Variants in RASAL2 observed in about 807,000 individuals in gnomAD.
The protein encoded by RASAL2 is RAS protein activator like 2.
In RASAL2, 58 loss-of-function variants were observed where a neutral mutation model predicts 128.9. The ratio of observed to expected loss-of-function variants is 0.45; its 90% CI spans 0.36 to 0.56. The LOEUF (loss-of-function observed/expected upper bound fraction) is 0.56, where lower values mean the gene tolerates loss of function less well. Ranked by LOEUF, RASAL2 falls within the 20% of genes least tolerant of loss-of-function variation. The pLI is 0.00. For synonymous variants in RASAL2, 561 were observed against 580.8 expected (o/e 0.97, Z 0.49); for missense variants, 1,360 against 1,601.6 (o/e 0.85, Z 2.57).
chr1:178,325,604 A>G (rs541555707), intron 3 of RASAL2, among the ~76,000 whole-genome samples: 2 of 152,308 alleles, frequency 1.3e-5, no homozygotes, highest in African/African-American at 4.8e-5. Flanking sequence ...AGTGCATATA[A>G]CAGTTGGATA....
intron 1 of RASAL2, among the ~76,000 whole-genome samples, chr1:178,249,269 C>T (rs1171772753): frequency 6.6e-6 from 1 of 151,860 alleles, no homozygotes; most frequent in African/African-American, 2.4e-5. Flanking sequence ...ATCTTGTCTT[C>T]ACGTGTTATT....
chr1:178,314,319 G>C (rs1668397203), intron 3 of RASAL2, among the ~76,000 whole-genome samples: 3 of 152,158 alleles, frequency 2.0e-5, no homozygotes, highest in Admixed American at 1.3e-4. Flanking sequence ...CTGTATGTAA[G>C]TCGTTTTATT....
At chr1:178,245,995 T>G (rs1664751098) in intron 1 of RASAL2, among the ~76,000 whole-genome samples, 1 of 152,216 alleles carries the variant, frequency 6.6e-6, no homozygotes, top group Non-Finnish European at 1.5e-5. Flanking sequence ...TGAAGTCGGG[T>G]AGCATGATGC....
At position 178,315,772 on chromosome 1, in the gene RASAL2, T is replaced by TG. The variant is rs1350622763; in HGVS notation, c.457+15655dup. Among the ~76,000 whole-genome samples the TG allele has an allele frequency of 2.0e-3, 278 of 142,142 alleles. 3 individuals carry two copies. The highest frequency in any genetic ancestry group is 3.1e-3 in the Non-Finnish European group (208 of 66,242). 93.3% of individuals were successfully genotyped at this position (142,142 alleles called of 152,430 possible). Reference sequence around the variant, plus strand: ...TCACTCTGATGGTAGTTTCTTTTGCTGTGCAGAAGCTCTTTAGTTTAATTA... The same window carrying TG: ...TCACTCTGATGGTAGTTTCTTTTGCTGGTGCAGAAGCTCTTTAGTTTAATTA... On this transcript the variant is annotated intron_variant, in intron 3 of 17. Coordinates refer to ENST00000367649, the MANE Select transcript of RASAL2 (RefSeq NM_170692.4).
intron 3 of RASAL2, among the ~76,000 whole-genome samples, chr1:178,318,224 A>G (rs1201429688): frequency 2.4e-4 from 36 of 149,382 alleles, no homozygotes; most frequent in Non-Finnish European, 4.5e-4. Context: ...TATGTGGTCA[A>G]TTTTGGAATA....
intron 1 of RASAL2, among the ~76,000 whole-genome samples, chr1:178,118,802 G>A (rs919488177): frequency 7.9e-5 from 12 of 152,016 alleles, no homozygotes; most frequent in Non-Finnish European, 1.8e-4. Flanking sequence ...ATTCTCTCCC[G>A]AAATGACAGA....
chr1:178,402,834 A>ATTAAATTCATCTAG (rs1394756878), intron 4 of RASAL2, among the ~76,000 whole-genome samples: 1 of 152,078 alleles, frequency 6.6e-6, no homozygotes, highest in African/African-American at 2.4e-5. Flanking sequence ...GAAAACTTCA[A>ATTAAATTCATCTAG]TTAAATTCAT....
chr1:178,449,070 C>T (rs1342428801), intron 9 of RASAL2, among the ~76,000 whole-genome samples: 1 of 152,094 alleles, frequency 6.6e-6, no homozygotes, highest in African/African-American at 2.4e-5. Flanking sequence ...TGCTATATTT[C>T]ATATACTTTG....
At chr1:178,193,759 C>T (rs865880101) in intron 1 of RASAL2, among the ~76,000 whole-genome samples, 7 of 140,276 alleles carry the variant, frequency 5.0e-5, no homozygotes, top group African/African-American at 1.3e-4. Flanking sequence ...TAATTTACCA[C>T]GAGTACTTGA....
chr1:178,318,201 C>T (rs2102324130), intron 3 of RASAL2, among the ~76,000 whole-genome samples: 1 of 150,886 alleles, frequency 6.6e-6, no homozygotes, highest in East Asian at 2.0e-4. Context: ...CTGAGGAGAG[C>T]TTTACTTCCA....
intron 3 of RASAL2, among the ~76,000 whole-genome samples, chr1:178,328,706 ATTATTAGTACCC>A (rs1324760306): frequency 6.6e-6 from 1 of 152,202 alleles, no homozygotes; most frequent in Non-Finnish European, 1.5e-5. Flanking sequence ...TGAAACAAGT[ATTATTAGTACCC>A]TTATTTTATA....
chr1:178,237,493 C>G (rs10913522), intron 1 of RASAL2, among the ~76,000 whole-genome samples: 16,593 of 152,180 alleles, frequency 0.11, 1,157 homozygotes, highest in African/African-American at 0.19. Flanking sequence ...CTCAACACAT[C>G]TGGACATCTT....
intron 1 of RASAL2, among the ~76,000 whole-genome samples, chr1:178,101,725 G>T (rs1165871729): frequency 6.6e-6 from 1 of 152,140 alleles, no homozygotes; most frequent in African/African-American, 2.4e-5. Flanking sequence ...TCCCAAAATT[G>T]GAGACAGACT....
At chr1:178,339,244 C>T (rs1452918763) in intron 3 of RASAL2, among the ~76,000 whole-genome samples, 1 of 152,198 alleles carries the variant, frequency 6.6e-6, no homozygotes, top group Non-Finnish European at 1.5e-5. Context: ...ATAGTCCTTT[C>T]ATCATTTACA....
intron 5 of RASAL2, among the ~76,000 whole-genome samples, chr1:178,427,136 A>G (rs1297462162): frequency 6.6e-6 from 1 of 152,274 alleles, no homozygotes; most frequent in Non-Finnish European, 1.5e-5. Flanking sequence ...ATTTCCTAGA[A>G]TCAATATTGG....
At chr1:178,357,887 A>G (rs1670893064) in intron 3 of RASAL2, among the ~76,000 whole-genome samples, 1 of 152,100 alleles carries the variant, frequency 6.6e-6, no homozygotes, top group South Asian at 2.1e-4. Flanking sequence ...TTAGATTAAG[A>G]GTTGTGGTTG....
chr1:178,273,424 ATTTACC>A (rs891307309), intron 1 of RASAL2, among the ~76,000 whole-genome samples: 4 of 152,280 alleles, frequency 2.6e-5, no homozygotes, highest in African/African-American at 9.6e-5. Flanking sequence ...ATTATTGTTT[ATTTACC>A]TTACAGTACA....
intron 2 of RASAL2, among the ~76,000 whole-genome samples, chr1:178,297,539 G>A (rs779899365): frequency 4.6e-4 from 69 of 149,666 alleles, no homozygotes; most frequent in Non-Finnish European, 8.6e-4. Context: ...CTTGGGAGGC[G>A]GAGGTTGCAG....
chr1:178,445,438 TG>T, intron 8 of RASAL2, 79 bp from the exon 9 acceptor site: 1 of 1,391,174 alleles, frequency 7.2e-7, no homozygotes, highest in Non-Finnish European at 9.7e-7. Flanking sequence ...ATTTCCAGGA[TG>T]TCTGATATTT....
Sources: allele counts gnomAD v4.1 joint callset (sites outside exome capture counted in the v4.1 genomes callset), GRCh38; gene constraint gnomAD v4.1.1; transcripts MANE v1.5; gene names NCBI Gene and HGNC (gene_info 2026-07-23, HGNC 2026-07-21).